ZCWPW1: variants seen among roughly 807,000 people sequenced by gnomAD.
ZCWPW1 encodes the protein zinc finger CW-type and PWWP domain containing 1, also known as zinc finger CW-type PWWP domain protein 1.
In ZCWPW1, 56 loss-of-function variants were observed where a neutral mutation model predicts 81.3. The ratio of observed to expected loss-of-function variants is 0.69; its 90% CI spans 0.56 to 0.86. ZCWPW1 has a LOEUF of 0.86. Among genes scored for constraint, ZCWPW1 ranks in the 40% least tolerant of loss-of-function variants. ZCWPW1 has a pLI of 0.00. For synonymous variants in ZCWPW1, 250 were observed against 273.7 expected, an observed-to-expected ratio of 0.91 and a Z score of 0.86; for missense variants, 650 against 769.8, an observed-to-expected ratio of 0.84 and a Z score of 1.84.
In ZCWPW1 at chr7:100,415,384, A is replaced by G. The variant is rs112617217; in HGVS notation, c.754+591T>C. Reference sequence around the variant, plus strand: ...GCATGAGCCACCATGCCCAGCCTCCATTCCTTTTTATCTACCATTTTCTCC... The same window carrying G: ...GCATGAGCCACCATGCCCAGCCTCCGTTCCTTTTTATCTACCATTTTCTCC... On this transcript the variant is annotated intron_variant, in intron 8 of 17. Coordinates refer to ENST00000684423, the MANE Select transcript of ZCWPW1 (RefSeq NM_001386010.1). Among the ~76,000 whole-genome samples, 539 of 152,006 alleles carry G rather than the reference A, an allele frequency of 3.5e-3. 4 individuals are homozygous for G. Among genetic ancestry groups the G allele is most frequent in the African/African-American group, 0.012 (510 of 41,482 alleles).
At chr7:100,401,369 A>G in intron 17 of ZCWPW1, 33 bp from the exon 18 acceptor site, 1 of 1,505,574 alleles carries the variant, frequency 6.6e-7, no homozygotes, top group Non-Finnish European at 8.9e-7. Context: ...CAAGAGTCCT[A>G]TTAGGTCAGC....
At chr7:100,414,749 G>C (rs1472194520) in intron 8 of ZCWPW1, among the ~76,000 whole-genome samples, 1 of 152,108 alleles carries the variant, frequency 6.6e-6, no homozygotes, top group East Asian at 1.9e-4. Context: ...TTATCAGGCT[G>C]GGCACGGTGG....
intron 8 of ZCWPW1, among the ~76,000 whole-genome samples, chr7:100,411,321 C>T (rs535515258): frequency 4.0e-5 from 6 of 151,514 alleles, no homozygotes; most frequent in African/African-American, 9.7e-5. Flanking sequence ...GGCTCAAGTG[C>T]GGTGGCGCAA....
At chr7:100,419,241 C>T in intron 4 of ZCWPW1, 52 bp from the exon 5 acceptor site, 1 of 1,525,010 alleles carries the variant, frequency 6.6e-7, no homozygotes, top group East Asian at 2.3e-5. Context: ...CATAGTTTTC[C>T]CCTCTGAACA....
chr7:100,419,133 C>A lies in ZCWPW1; in HGVS notation c.339G>T (p.Gln113His). The A allele has an allele frequency of 5.6e-6, 9 of 1,613,632 alleles. No individual in the cohort carries two copies. Among genetic ancestry groups the A allele is most frequent in the Non-Finnish European group, 7.6e-6 (9 of 1,179,816 alleles). Reference protein sequence around the residue: ...EFEEIVQIVLQKSLQECLGMG... With the variant: ...EFEEIVQIVLHKSLQECLGMG... ...TACCCAAGCACTCCTGAAGGGACTTCTGCAGAACAATCTGGACAATCTCCT... is the reference window on the plus strand; with the variant it reads ...TACCCAAGCACTCCTGAAGGGACTTATGCAGAACAATCTGGACAATCTCCT... The change falls in exon 5 of 18, where the codon CAG becomes CAT. Residue 113 changes from glutamine to histidine, a missense_variant. Transcript: ENST00000684423.
chr7:100,419,706 A>G lies in ZCWPW1; in HGVS notation c.206T>C (p.Met69Thr), dbSNP rs899969304. 14 of 1,613,400 alleles carry G rather than the reference A, an allele frequency of 8.7e-6. No individual in the cohort carries two copies. The highest frequency in any genetic ancestry group is 1.1e-5 in the Non-Finnish European group (13 of 1,179,926). ...CTGTTCCCTGCTTGGAACATTCTTC[A>G]TGGTTGCTTTTTCCTCTTTCTTCTT... ...SLKKKEEKAT[M>T]KNVPSREQEK... Residue 69 changes from methionine to threonine, a missense_variant, in exon 4 of 18, where the codon ATG becomes ACG. By Grantham distance (81) the Met-to-Thr change is moderately conservative. Transcript: ENST00000684423.
intron 8 of ZCWPW1, among the ~76,000 whole-genome samples, chr7:100,411,287 AAC>A (rs1361567941): frequency 1.3e-5 from 2 of 151,248 alleles, no homozygotes; most frequent in African/African-American, 2.4e-5. Flanking sequence ...TTTTTTTTGA[AAC>A]ACAGTCTCGC....
chr7:100,416,015 A>C lies in ZCWPW1; in HGVS notation c.714T>G (p.Ser238=). ...CTCCTTTTTGCTGGTCCCTGATCTG[A>C]GAATGATCCTGAACTGTTTTCTTTA... ...DRLKKTVQDH[S]QIRDQQKGEI... is the part of the protein sequence containing the mutation. The change falls in exon 8 of 18, where the codon TCT becomes TCG. Residue 238 remains serine (S), a synonymous_variant. Transcript: ENST00000684423. 1 of 1,614,150 alleles carries C rather than the reference A, an allele frequency of 6.2e-7. No individual in the cohort carries two copies. The highest frequency in any genetic ancestry group is 8.5e-7 in the Non-Finnish European group (1 of 1,180,032).
chr7:100,402,538 C>T lies in ZCWPW1; in HGVS notation c.1452G>A (p.Gln484=), dbSNP rs200876705. The T allele has an allele frequency of 2.7e-5, 43 of 1,613,986 alleles. No individual in the cohort carries two copies. In the Admixed American group the frequency reaches 7.2e-4, roughly 27 times the overall value. Residue 484 remains glutamine (Q), a synonymous_variant, in exon 16 of 18, where the codon CAG becomes CAA. Transcript: ENST00000684423. Reference sequence around the variant, plus strand: ...TACCTCTTGGCTTGGTTTTTTGGGTCTGTATTTTGACTCGCTTACGAATGG... The same window carrying T: ...TACCTCTTGGCTTGGTTTTTTGGGTTTGTATTTTGACTCGCTTACGAATGG... ...ILPIRKRVKI[Q]TQKTKPRGLG...
intron 5 of ZCWPW1, chr7:100,417,457 C>T: frequency 3.0e-6 from 1 of 335,392 alleles, no homozygotes; most frequent in Non-Finnish European, 5.5e-6. Context: ...GTGGCTCACG[C>T]CTGTAATCCT....
intron 11 of ZCWPW1, 31 bp from the exon 12 acceptor site, chr7:100,406,829 C>G: frequency 6.3e-7 from 1 of 1,582,254 alleles, no homozygotes; most frequent in Non-Finnish European, 8.7e-7. Context: ...GTTACGGACT[C>G]CTGTCCTGCT....
intron 8 of ZCWPW1, among the ~76,000 whole-genome samples, chr7:100,410,485 TTG>T (rs1793952888): frequency 6.6e-6 from 1 of 152,172 alleles, no homozygotes; most frequent in Non-Finnish European, 1.5e-5. Flanking sequence ...ACTTCCTCCC[TTG>T]AGGTCTATGC....
Position 100,407,246 on chromosome 7 carries a change from G to A in ZCWPW1, c.1050C>T (p.Ser350=). The change falls in exon 11 of 18, where the codon TCC becomes TCT. Residue 350 remains serine (S), a synonymous_variant. Transcript: ENST00000684423. ...PDLGEYFLFT[S]HLDSLPSKYH... ...AACTCACCGGCAGGGAATCAAGATG[G>A]GAAGTAAAAAGAAAATATTCCCCTA... is the stretch of plus-strand genomic sequence containing the variant. 6.2e-7 allele frequency: 1 copy of A among 1,613,968 alleles called. No homozygotes were observed.
intron 8 of ZCWPW1, among the ~76,000 whole-genome samples, chr7:100,415,577 T>C (rs1189734847): frequency 6.6e-6 from 1 of 152,228 alleles, no homozygotes; most frequent in Admixed American, 6.5e-5. Flanking sequence ...TTCTTTACGA[T>C]GGCATTCGAC....
intron 8 of ZCWPW1, 23 bp from the exon 9 acceptor site, chr7:100,409,567 T>TA: frequency 6.5e-7 from 1 of 1,544,258 alleles, no homozygotes; most frequent in East Asian, 2.3e-5. Flanking sequence ...AAAAATGAAA[T>TA]AAGAGACTTA....
chr7:100,415,881 T>G (rs1252809386), intron 8 of ZCWPW1, 94 bp downstream of exon 8: 6 of 1,509,350 alleles, frequency 4.0e-6, no homozygotes, highest in South Asian at 1.2e-5. Context: ...TTGACTATAT[T>G]CTTTGCAGAG....
chr7:100,409,315 A>C, intron 9 of ZCWPW1, 113 bp downstream of exon 9: 1 of 845,116 alleles, frequency 1.2e-6, no homozygotes, highest in Non-Finnish European at 1.9e-6. Flanking sequence ...CAAGCACTAC[A>C]AGGACACTGA....
intron 11 of ZCWPW1, 151 bp downstream of exon 11, chr7:100,407,077 C>T (rs760560120): frequency 5.7e-6 from 4 of 696,794 alleles, no homozygotes; most frequent in Non-Finnish European, 9.7e-6. Context: ...TATGTGTGAG[C>T]ACTTATCTCT....
intron 3 of ZCWPW1, among the ~76,000 whole-genome samples, 165 bp from the exon 4 acceptor site, chr7:100,420,048 C>CA (rs1262048183): frequency 6.6e-6 from 1 of 152,154 alleles, no homozygotes. Flanking sequence ...CCCTGAGATG[C>CA]TGATGAGGTA....
Sources: gnomAD v4.1 joint callset for allele counts (sites outside exome capture counted in the v4.1 genomes callset) on GRCh38, gnomAD v4.1.1 for gene constraint, MANE v1.5 for transcripts, NCBI Gene and HGNC (gene_info 2026-07-23, HGNC 2026-07-21) for gene names.